NRG3: variants seen among roughly 807,000 people sequenced by gnomAD.
The protein encoded by NRG3 is pro-neuregulin-3, membrane-bound isoform.
Under a neutral mutation model 66.9 loss-of-function variants are expected in NRG3, and 31 were observed. That is an observed-to-expected ratio of 0.46 (90% CI 0.35 to 0.63). NRG3 has a LOEUF of 0.63. NRG3 is among the 20% of genes least tolerant of loss of function. The pLI, the probability that NRG3 is intolerant of heterozygous loss-of-function variation, is 0.00. For synonymous variants in NRG3, 393 were observed against 359.4 expected (o/e 1.09, Z -1.06); for missense variants, 910 against 878.9 (o/e 1.04, Z -0.45).
In NRG3 at chr10:82,600,603, G is replaced by A. The variant is rs147353925; in HGVS notation, c.954-137974G>A. On this transcript the variant is annotated intron_variant, in intron 2 of 8. Transcript: ENST00000372141. ...CTCCTGCTTAGCCTCCCAAGTAGCTGAGATTACAGGCATGCACCACCACAC... is the reference window on the plus strand; with the variant it reads ...CTCCTGCTTAGCCTCCCAAGTAGCTAAGATTACAGGCATGCACCACCACAC... 1.6e-3 allele frequency among the ~76,000 whole-genome samples: 236 copies of A among 152,168 alleles called. 1 individual carries two copies. The highest frequency in any genetic ancestry group is 5.6e-3 in the African/African-American group (231 of 41,534).
At chr10:82,756,455 A>G (rs182576772) in intron 3 of NRG3, among the ~76,000 whole-genome samples, 1 of 152,124 alleles carries the variant, frequency 6.6e-6, no homozygotes. Context: ...TTCCAGTCAG[A>G]TAATATATTC....
At chr10:82,435,397 G>C (rs945489833) in intron 2 of NRG3, among the ~76,000 whole-genome samples, 4 of 151,956 alleles carry the variant, frequency 2.6e-5, no homozygotes, top group African/African-American at 7.2e-5. Flanking sequence ...CAGAAAACCT[G>C]CTCCTGGACT....
At chr10:82,531,077 G>T (rs1847204339) in intron 2 of NRG3, among the ~76,000 whole-genome samples, 1 of 151,514 alleles carries the variant, frequency 6.6e-6, no homozygotes, top group South Asian at 2.1e-4. Context: ...AGAATAGAGT[G>T]CACTTAGAAA....
chr10:82,236,151 G>C (rs897653810), intron 1 of NRG3, among the ~76,000 whole-genome samples: 1 of 152,090 alleles, frequency 6.6e-6, no homozygotes, highest in African/African-American at 2.4e-5. Context: ...CATTTATTGA[G>C]GGACTTTGAA....
chr10:82,318,278 G>C (rs1435061490), intron 1 of NRG3, among the ~76,000 whole-genome samples: 1 of 152,138 alleles, frequency 6.6e-6, no homozygotes, highest in African/African-American at 2.4e-5. Context: ...AGGTTTGTGT[G>C]ACCCAGTTCC....
chr10:82,901,943 T>C (rs572556187), intron 4 of NRG3, among the ~76,000 whole-genome samples: 3 of 152,214 alleles, frequency 2.0e-5, no homozygotes, highest in Non-Finnish European at 4.4e-5. Context: ...AGTATACCCC[T>C]TATATAGTAG....
intron 1 of NRG3, among the ~76,000 whole-genome samples, chr10:82,283,099 T>G (rs1248469692): frequency 2.6e-5 from 4 of 152,054 alleles, no homozygotes; most frequent in Non-Finnish European, 4.4e-5. Context: ...TTCTCGGTCT[T>G]AATCTAGTGC....
chr10:82,265,403 G>A (rs2078244578), intron 1 of NRG3, among the ~76,000 whole-genome samples: 1 of 152,154 alleles, frequency 6.6e-6, no homozygotes, highest in Non-Finnish European at 1.5e-5. Context: ...GCACGAGGAA[G>A]GTTATGGACG....
chr10:82,380,318 CTT>C (rs1356102898), intron 2 of NRG3, among the ~76,000 whole-genome samples: 1 of 152,018 alleles, frequency 6.6e-6, no homozygotes, highest in Non-Finnish European at 1.5e-5. Context: ...ACGTATTACT[CTT>C]GAGTTATTGG....
intron 4 of NRG3, among the ~76,000 whole-genome samples, chr10:82,941,606 G>A (rs912174958): frequency 6.6e-6 from 1 of 152,104 alleles, no homozygotes; most frequent in Admixed American, 6.5e-5. Context: ...GTTAAAATGA[G>A]GACAAAAAAG....
At chr10:82,963,326 G>A (rs139100476) in intron 6 of NRG3, among the ~76,000 whole-genome samples, 50 of 152,296 alleles carry the variant, frequency 3.3e-4, no homozygotes, top group Admixed American at 1.2e-3. Context: ...GCTCCCATCA[G>A]CAGCAGTTAC....
chr10:82,862,834 T>G (rs1386299478), intron 3 of NRG3, among the ~76,000 whole-genome samples: 1 of 152,224 alleles, frequency 6.6e-6, no homozygotes, highest in Non-Finnish European at 1.5e-5. Context: ...AACTCCATTC[T>G]TCTTTATTTT....
intron 2 of NRG3, among the ~76,000 whole-genome samples, chr10:82,445,802 A>C (rs2090691551): frequency 6.6e-6 from 1 of 152,176 alleles, no homozygotes; most frequent in African/African-American, 2.4e-5. Context: ...ATTCTCCAGA[A>C]GGCCACCAGC....
At chr10:82,418,457 T>G (rs1427630059) in intron 2 of NRG3, among the ~76,000 whole-genome samples, 5 of 152,000 alleles carry the variant, frequency 3.3e-5, no homozygotes, top group East Asian at 1.9e-4. Context: ...TTTATGCAAA[T>G]GAAAAGAGGA....
At chr10:82,334,525 T>G (rs1396668380) in intron 1 of NRG3, among the ~76,000 whole-genome samples, 2 of 152,216 alleles carry the variant, frequency 1.3e-5, no homozygotes, top group East Asian at 3.8e-4. Flanking sequence ...AGCAAAAAGA[T>G]GGGCACCTTT....
intron 1 of NRG3, among the ~76,000 whole-genome samples, chr10:82,016,180 G>A (rs1328221635): frequency 6.6e-6 from 1 of 151,960 alleles, no homozygotes; most frequent in Admixed American, 6.6e-5. Context: ...GTGTGAAAAA[G>A]ACATATAAAT....
chr10:82,255,616 CAAAA>C (rs1190633958), intron 1 of NRG3, among the ~76,000 whole-genome samples: 1 of 151,630 alleles, frequency 6.6e-6, no homozygotes, highest in African/African-American at 2.4e-5. Context: ...AACAAACAAA[CAAAA>C]AACACAGAGT....
At chr10:82,725,567 T>C (rs2248956) in intron 2 of NRG3, among the ~76,000 whole-genome samples, 103,834 of 152,022 alleles carry the variant, frequency 0.68, 35,955 homozygotes, top group East Asian at 0.85. Context: ...TTTAGGTGTT[T>C]CTGTTAATAG....
chr10:82,075,257 A>G (rs1034635373), intron 1 of NRG3, among the ~76,000 whole-genome samples: 2 of 152,060 alleles, frequency 1.3e-5, no homozygotes, highest in Non-Finnish European at 2.9e-5. Flanking sequence ...TAACTTTGTT[A>G]TGTGTTGTGT....
Sources: allele counts gnomAD v4.1 joint callset (sites outside exome capture counted in the v4.1 genomes callset), GRCh38; gene constraint gnomAD v4.1.1; transcripts MANE v1.5; gene names NCBI Gene and HGNC (gene_info 2026-07-23, HGNC 2026-07-21).